Variants in TRDN observed in about 807,000 individuals in gnomAD.
TRDN encodes triadin in skeletal muscle.
Under a neutral mutation model 149.7 loss-of-function variants are expected in TRDN, and 161 were observed. The observed-to-expected ratio is 1.08, with a 90% confidence interval of 0.95 to 1.23. The LOEUF (loss-of-function observed/expected upper bound fraction) is 1.23. Ranked by LOEUF, TRDN falls within the 50% of genes most tolerant of loss-of-function variation. TRDN has a pLI of 0.00. For missense variants in TRDN, 896 were observed against 823.5 expected (o/e 1.09, Z -1.08); for synonymous variants, 294 against 250.5 (o/e 1.17, Z -1.64).
chr6:123,303,235 A>C (rs1420004205), intron 24 of TRDN, among the ~76,000 whole-genome samples: 1 of 152,176 alleles, frequency 6.6e-6, no homozygotes, highest in Non-Finnish European at 1.5e-5. Flanking sequence ...CTGCCTGTGC[A>C]TGTGGTATAT....
chr6:123,396,631 T>A lies in TRDN; in HGVS notation c.1052-2954A>T, dbSNP rs112661866. Among the ~76,000 whole-genome samples, 1,079 of 152,242 alleles carry A rather than the reference T, an allele frequency of 7.1e-3. 10 individuals are homozygous for A. The highest frequency in any genetic ancestry group is 0.025 in the African/African-American group (1,027 of 41,524). On this transcript the variant is annotated intron_variant, in intron 12 of 40. Transcript: ENST00000334268. ...TATCAGAGAAGTTAGTATTTGTAGA[T>A]CCCTGAAACATGCGGTATTTATATA...
At chr6:123,627,060 C>A (rs1326574537) in intron 1 of TRDN, among the ~76,000 whole-genome samples, 1 of 151,876 alleles carries the variant, frequency 6.6e-6, no homozygotes, top group East Asian at 1.9e-4. Flanking sequence ...TCCCAAGTAA[C>A]TGGGATTACA....
chr6:123,605,510 G>A (rs1784488096), intron 1 of TRDN, among the ~76,000 whole-genome samples: 1 of 151,406 alleles, frequency 6.6e-6, no homozygotes, highest in Non-Finnish European at 1.5e-5. Context: ...TTTTGGGCCA[G>A]GCGTGGTGGC....
intron 4 of TRDN, 24 bp downstream of exon 4, chr6:123,547,316 T>C (rs945506228): frequency 2.2e-6 from 3 of 1,381,514 alleles, no homozygotes; most frequent in African/African-American, 3.0e-5. Flanking sequence ...AAAATAATTA[T>C]TATCAAAGGT....
At chr6:123,484,240 T>C (rs1390381091) in intron 9 of TRDN, among the ~76,000 whole-genome samples, 2 of 152,154 alleles carry the variant, frequency 1.3e-5, no homozygotes, top group Non-Finnish European at 2.9e-5. Context: ...TATGGGCATA[T>C]TTATTATTTC....
intron 4 of TRDN, among the ~76,000 whole-genome samples, chr6:123,536,266 T>C (rs369464463): frequency 2.0e-4 from 31 of 152,246 alleles, no homozygotes; most frequent in African/African-American, 6.5e-4. Flanking sequence ...ATGCCTAACA[T>C]GATGACTGGA....
chr6:123,522,395 T>A lies in TRDN; in HGVS notation c.485-6189A>T, dbSNP rs369736543. ...CTAATATCACCAATAAAATTCACAA[T>A]TGCAAAAAAATAAGGCAATATACAA... is the stretch of plus-strand genomic sequence containing the variant. On this transcript the variant is annotated intron_variant, in intron 5 of 40. Coordinates refer to ENST00000334268, the MANE Select transcript of TRDN (RefSeq NM_006073.4). 7.9e-4 allele frequency among the ~76,000 whole-genome samples: 119 copies of A among 150,536 alleles called. 1 individual carries two copies. Among genetic ancestry groups the A allele is most frequent in the African/African-American group, 2.8e-3 (115 of 40,924 alleles).
Position 123,232,385 on chromosome 6 carries a change from A to C in TRDN, c.1976-8254T>G, listed in dbSNP as rs1367116993. 2.0e-5 allele frequency among the ~76,000 whole-genome samples: 3 copies of C among 151,972 alleles called. No homozygotes were observed. The East Asian group carries it at 5.8e-4, about 29-fold the overall frequency. On this transcript the variant is annotated intron_variant, in intron 38 of 40. Coordinates refer to ENST00000334268, the MANE Select transcript of TRDN (RefSeq NM_006073.4). ...AACTTGAGGTTAGCTATTTGGGGAG[A>C]CTGTTGGGGCAGAAATGGGGGCAGA...
intron 1 of TRDN, 124 bp from the exon 2 acceptor site, chr6:123,571,256 T>C (rs1449284689): frequency 8.1e-6 from 8 of 985,220 alleles, no homozygotes; most frequent in Non-Finnish European, 1.2e-5. Flanking sequence ...CACAACTCCT[T>C]AGTGGCAGGA....
chr6:123,388,658 A>G (rs890056926), intron 13 of TRDN, 107 bp from the exon 14 acceptor site: 13 of 1,198,162 alleles, frequency 1.1e-5, no homozygotes, highest in Middle Eastern at 3.8e-4. Context: ...GTGGTCACCT[A>G]TACACTAATC....
chr6:123,433,207 A>T (rs976240905), intron 12 of TRDN, among the ~76,000 whole-genome samples: 1 of 145,872 alleles, frequency 6.9e-6, no homozygotes, highest in Non-Finnish European at 1.5e-5. Flanking sequence ...TCCAGCAATC[A>T]ATGGCTGAGT....
intron 9 of TRDN, among the ~76,000 whole-genome samples, chr6:123,465,815 C>T (rs893978786): frequency 6.6e-6 from 1 of 152,126 alleles, no homozygotes; most frequent in Non-Finnish European, 1.5e-5. Context: ...AATCAACATG[C>T]AACATGGGCA....
chr6:123,503,993 A>G lies in TRDN; in HGVS notation c.611-92T>C, dbSNP rs1044178273. 13 of 1,365,228 alleles carry G rather than the reference A, an allele frequency of 9.5e-6. No individual in the cohort carries two copies. The Admixed American group carries it at 1.4e-4, about 15-fold the overall frequency. The allele number at this position is 1,365,228 out of a possible 1,614,324, so 84.6% of individuals were successfully genotyped here. A position where few individuals can be genotyped will look rare whatever the true frequency, so the allele number is the denominator to read the frequency against. On this transcript the variant is annotated intron_variant, in intron 7 of 40. Coordinates refer to ENST00000334268, the MANE Select transcript of TRDN (RefSeq NM_006073.4). ...ATGTCATTAAGGAAAATTGGAAAAG[A>G]AAGAGGGAAGAAAGGTAAGTCACAA...
intron 20 of TRDN, among the ~76,000 whole-genome samples, chr6:123,359,252 G>A (rs1280093421): frequency 6.6e-6 from 1 of 152,132 alleles, no homozygotes; most frequent in Non-Finnish European, 1.5e-5. Context: ...TTCTAACATA[G>A]TCGGAATTAT....
intron 1 of TRDN, among the ~76,000 whole-genome samples, chr6:123,609,048 C>G (rs2114672618): frequency 6.6e-6 from 1 of 152,024 alleles, no homozygotes; most frequent in African/African-American, 2.4e-5. Context: ...TGGTGTGCGC[C>G]TGTAATCCCA....
Position 123,569,672 on chromosome 6 carries a change from G to C in TRDN, c.232+1251C>G, listed in dbSNP as rs117609862. ...GCTTGCAATAATGGTAGAAGGAGGA[G>C]AGAGGAGCAGGCATGTCACATGGCC... On this transcript the variant is annotated intron_variant, in intron 2 of 40. Transcript: ENST00000334268. Among the ~76,000 whole-genome samples, 114 of 152,288 alleles carry C rather than the reference G, an allele frequency of 7.5e-4. No individual in the cohort carries two copies. The East Asian group carries it at 0.015, about 21-fold the overall frequency.
At chr6:123,476,804 T>A (rs971472274) in intron 9 of TRDN, among the ~76,000 whole-genome samples, 2 of 151,190 alleles carry the variant, frequency 1.3e-5, no homozygotes, top group Non-Finnish European at 3.0e-5. Flanking sequence ...AAACAAGCAA[T>A]GGGGAAAGGA....
chr6:123,430,515 G>T (rs889150731), intron 12 of TRDN, among the ~76,000 whole-genome samples: 7 of 151,992 alleles, frequency 4.6e-5, no homozygotes, highest in Non-Finnish European at 7.4e-5. Context: ...ACGGGAGGCG[G>T]AGGTTGCAGT....
chr6:123,513,343 A>T (rs1308957806), intron 6 of TRDN, among the ~76,000 whole-genome samples: 1 of 152,218 alleles, frequency 6.6e-6, no homozygotes, highest in Non-Finnish European at 1.5e-5. Flanking sequence ...TAAGGTAAAT[A>T]AAAGAGCACT....
Sources: gnomAD v4.1 joint callset for allele counts (sites outside exome capture counted in the v4.1 genomes callset) on GRCh38, gnomAD v4.1.1 for gene constraint, MANE v1.5 for transcripts, NCBI Gene and HGNC (gene_info 2026-07-23, HGNC 2026-07-21) for gene names.